GPHN: variants seen among roughly 807,000 people sequenced by gnomAD.
GPHN encodes gephyrin.
A neutral mutation model predicts 95.5 loss-of-function variants in GPHN; 17 were observed. The observed-to-expected ratio is 0.18, with a 90% CI of 0.12 to 0.27. The LOEUF is 0.27. Among genes scored for constraint, GPHN ranks in the 10% least tolerant of loss-of-function variants. The probability of loss-of-function intolerance (pLI) is 1.00; values close to 1 mark genes in which losing one functional copy is unlikely to be tolerated. For synonymous variants in GPHN, 320 were observed against 322.5 expected (o/e 0.99, Z 0.08); for missense variants, 660 against 978.1 (o/e 0.67, Z 4.34).
the GPHN span, among the ~76,000 whole-genome samples, chr14:67,498,310 C>T: frequency 6.6e-6 from 1 of 152,144 alleles, no homozygotes; most frequent in Admixed American, 6.6e-5. Flanking sequence ...CTGTGGTTCT[C>T]CCTGTGCACA....
the GPHN span, among the ~76,000 whole-genome samples, chr14:67,398,966 A>G: frequency 6.6e-6 from 1 of 152,178 alleles, no homozygotes; most frequent in African/African-American, 2.4e-5. Flanking sequence ...GCCAACTTCT[A>G]TTGTTTGTAA....
chr14:67,575,214 A>G, the GPHN span, among the ~76,000 whole-genome samples: 117,115 of 151,990 alleles, frequency 0.77, 45,588 homozygotes, highest in Middle Eastern at 0.86. Flanking sequence ...CTGGGGTGCC[A>G]CAGGGTGTCA....
At chr14:66,947,213 C>G (rs1170508556) in intron 8 of GPHN, among the ~76,000 whole-genome samples, 1 of 152,120 alleles carries the variant, frequency 6.6e-6, no homozygotes, top group African/African-American at 2.4e-5. Context: ...GTCCCCATTA[C>G]TTAAAATGTT....
At chr14:67,198,511 C>T in the GPHN span, among the ~76,000 whole-genome samples, 1 of 152,190 alleles carries the variant, frequency 6.6e-6, no homozygotes, top group Non-Finnish European at 1.5e-5. Flanking sequence ...CTTCAAATGT[C>T]CCCAAAACTC....
intron 8 of GPHN, among the ~76,000 whole-genome samples, chr14:66,959,643 T>C (rs1322060906): frequency 2.6e-5 from 4 of 152,162 alleles, no homozygotes; most frequent in South Asian, 2.1e-4. Context: ...GTAAATCTTA[T>C]TGAGGATCAG....
chr14:66,896,797 A>C (rs1166611441), intron 5 of GPHN, among the ~76,000 whole-genome samples: 1 of 152,030 alleles, frequency 6.6e-6, no homozygotes, highest in Non-Finnish European at 1.5e-5. Flanking sequence ...GGAGAAAAAA[A>C]CAAACAAACA....
At chr14:67,122,491 C>T in intron 17 of GPHN, 114 bp downstream of exon 17, 1 of 883,528 alleles carries the variant, frequency 1.1e-6, no homozygotes, top group Non-Finnish European at 1.8e-6. Context: ...ATAATTTTCA[C>T]TTATCTCATT....
chr14:67,338,576 A>G, the GPHN span: 1 of 1,582,870 alleles, frequency 6.3e-7, no homozygotes. Context: ...GTGAATTAAA[A>G]TGAAGCCAGT....
intron 21 of GPHN, among the ~76,000 whole-genome samples, chr14:67,173,613 G>C (rs1042113181): frequency 2.6e-5 from 4 of 152,126 alleles, no homozygotes; most frequent in African/African-American, 9.7e-5. Flanking sequence ...GTTCTACCAG[G>C]TGCACAGATT....
the GPHN span, among the ~76,000 whole-genome samples, chr14:67,453,722 C>A: frequency 6.6e-6 from 1 of 152,094 alleles, no homozygotes; most frequent in African/African-American, 2.4e-5. Context: ...GCATGTAGGG[C>A]CACCATCTGC....
At chr14:66,954,227 G>A (rs1226025995) in intron 8 of GPHN, among the ~76,000 whole-genome samples, 1 of 152,164 alleles carries the variant, frequency 6.6e-6, no homozygotes, top group Admixed American at 6.5e-5. Flanking sequence ...GCTTTGGGCA[G>A]TATTACCATC....
the GPHN span, among the ~76,000 whole-genome samples, chr14:67,597,405 G>A: frequency 1.3e-5 from 2 of 151,952 alleles, no homozygotes; most frequent in African/African-American, 4.8e-5. Context: ...TTGAGTCCAG[G>A]AGACTGAGGC....
chr14:67,023,616 T>G lies in GPHN; in HGVS notation c.964-17T>G, dbSNP rs1217931930. ...TGCTATAAACCCTAAATTACTGAGT[T>G]TATGCTCTTTCTACAGGTCCAGTCC... On this transcript the variant is annotated splice_polypyrimidine_tract_variant and intron_variant, in intron 9 of 22. Transcript: ENST00000478722. The G allele has an allele frequency of 6.2e-7, 1 of 1,610,816 alleles. No individual in the cohort carries two copies.
the GPHN span, chr14:67,278,973 A>G: frequency 1.7e-5 from 8 of 480,032 alleles, no homozygotes; most frequent in African/African-American, 1.6e-4. Context: ...ACCTGCTTTT[A>G]TATTGTAATT....
chr14:67,590,973 C>T, the GPHN span, among the ~76,000 whole-genome samples: 1 of 151,664 alleles, frequency 6.6e-6, no homozygotes, highest in Non-Finnish European at 1.5e-5. Flanking sequence ...AAATGTTTTA[C>T]ACAATGAAAT....
Position 67,179,781 on chromosome 14 carries a change from T to A in GPHN, c.2176+107T>A, listed in dbSNP as rs1376909848. 6 of 724,712 alleles carry A rather than the reference T, an allele frequency of 8.3e-6. No individual in the cohort carries two copies. The Admixed American group carries it at 1.3e-4, about 16-fold the overall frequency. 44.9% of individuals were successfully genotyped at this position (724,712 alleles called of 1,614,324 possible). On this transcript the variant is annotated intron_variant, in intron 22 of 22. Transcript: ENST00000478722. ...ACTGATTTTGTAATTATTATACATTTTTCTTTTTGAAAAGTTAGATGAGTT... is the reference window on the plus strand; with the variant it reads ...ACTGATTTTGTAATTATTATACATTATTCTTTTTGAAAAGTTAGATGAGTT...
At chr14:67,580,513 T>C in the GPHN span, among the ~76,000 whole-genome samples, 1 of 152,268 alleles carries the variant, frequency 6.6e-6, no homozygotes, top group Non-Finnish European at 1.5e-5. Flanking sequence ...TCTTTTAACA[T>C]TGCCTGGAAA....
At chr14:66,595,609 C>T (rs954913773) in intron 1 of GPHN, among the ~76,000 whole-genome samples, 2 of 152,170 alleles carry the variant, frequency 1.3e-5, no homozygotes, top group East Asian at 3.8e-4. Flanking sequence ...GGTGCCGGCA[C>T]CCTGCAAGGC....
the GPHN span, among the ~76,000 whole-genome samples, chr14:67,662,140 A>G: frequency 6.6e-6 from 1 of 151,814 alleles, no homozygotes; most frequent in Non-Finnish European, 1.5e-5. Context: ...TGGGCAACAG[A>G]GCGAGACTCT....
Sources: gnomAD v4.1 joint callset for allele counts (sites outside exome capture counted in the v4.1 genomes callset) on GRCh38, gnomAD v4.1.1 for gene constraint, MANE v1.5 for transcripts, NCBI Gene and HGNC (gene_info 2026-07-23, HGNC 2026-07-21) for gene names.